CNTNAP5: variants seen among roughly 807,000 people sequenced by gnomAD.
CNTNAP5 encodes the protein contactin-associated protein-like 5.
Under a neutral mutation model 150.2 loss-of-function variants are expected in CNTNAP5, and 72 were observed. The observed-to-expected ratio is 0.48, with a 90% CI of 0.40 to 0.58. The LOEUF is 0.58. CNTNAP5 is among the 20% of genes least tolerant of loss of function. The pLI, the probability that CNTNAP5 is intolerant of heterozygous loss-of-function variation, is 0.00. For missense variants in CNTNAP5, 1,636 were observed against 1,626.2 expected (o/e 1.01, Z -0.10); for synonymous variants, 672 against 619.8 (o/e 1.08, Z -1.25).
chr2:124,691,973 G>A (rs1029692766), intron 13 of CNTNAP5, among the ~76,000 whole-genome samples: 2 of 152,098 alleles, frequency 1.3e-5, no homozygotes, highest in African/African-American at 4.8e-5. Context: ...CTCTGTCTTG[G>A]CATTAGGAGA....
At chr2:124,828,494 C>A (rs1682645491) in intron 19 of CNTNAP5, among the ~76,000 whole-genome samples, 1 of 151,372 alleles carries the variant, frequency 6.6e-6, no homozygotes, top group African/African-American at 2.4e-5. Flanking sequence ...AAACAAAAAA[C>A]AAAAATAAAA....
chr2:124,399,037 T>C (rs1437733736), intron 3 of CNTNAP5, among the ~76,000 whole-genome samples: 1 of 152,192 alleles, frequency 6.6e-6, no homozygotes, highest in Non-Finnish European at 1.5e-5. Flanking sequence ...CAAGAGAAAT[T>C]AATTCCTTTA....
intron 11 of CNTNAP5, among the ~76,000 whole-genome samples, chr2:124,601,543 A>G (rs1321740379): frequency 2.0e-5 from 3 of 152,366 alleles, no homozygotes; most frequent in African/African-American, 7.2e-5. Context: ...GCAATTAACC[A>G]AACAAGCACA....
At chr2:124,458,367 A>G (rs1402370313) in intron 6 of CNTNAP5, among the ~76,000 whole-genome samples, 2 of 149,418 alleles carry the variant, frequency 1.3e-5, no homozygotes, top group African/African-American at 4.9e-5. Flanking sequence ...TGTCATTCAC[A>G]GTGACCTGGA....
At chr2:124,061,496 C>G (rs531149886) in intron 1 of CNTNAP5, among the ~76,000 whole-genome samples, 2 of 152,020 alleles carry the variant, frequency 1.3e-5, no homozygotes, top group African/African-American at 4.8e-5. Flanking sequence ...GTCTCTGTAC[C>G]GACAGGTCAT....
chr2:124,301,984 C>G (rs1027565026), intron 3 of CNTNAP5, among the ~76,000 whole-genome samples: 4 of 152,176 alleles, frequency 2.6e-5, no homozygotes, highest in Non-Finnish European at 2.9e-5. Context: ...AAGTGAAGCT[C>G]TAATCCAATA....
intron 11 of CNTNAP5, among the ~76,000 whole-genome samples, chr2:124,601,806 A>G (rs1236179115): frequency 6.6e-6 from 1 of 152,238 alleles, no homozygotes; most frequent in African/African-American, 2.4e-5. Context: ...TGTCCATGTT[A>G]TGAAATACTA....
intron 1 of CNTNAP5, among the ~76,000 whole-genome samples, chr2:124,115,750 G>C (rs894756377): frequency 8.3e-5 from 12 of 144,742 alleles, no homozygotes; most frequent in African/African-American, 3.1e-4. Flanking sequence ...TCAGCCTCCT[G>C]AGTAGCTGGG....
chr2:124,247,699 A>G (rs1334750995), intron 3 of CNTNAP5, among the ~76,000 whole-genome samples: 1 of 152,182 alleles, frequency 6.6e-6, no homozygotes, highest in Non-Finnish European at 1.5e-5. Flanking sequence ...AAAATAATAA[A>G]TTAGATATAA....
intron 3 of CNTNAP5, among the ~76,000 whole-genome samples, chr2:124,403,362 A>T (rs116627784): frequency 0.031 from 4,702 of 152,248 alleles, 99 homozygotes; most frequent in Non-Finnish European, 0.041. Context: ...TGTCATCTGC[A>T]TATGTATTAG....
intron 13 of CNTNAP5, among the ~76,000 whole-genome samples, chr2:124,663,525 T>A (rs888763544): frequency 3.3e-5 from 5 of 152,096 alleles, no homozygotes; most frequent in Non-Finnish European, 7.4e-5. Context: ...TGCATTAGAA[T>A]TTAGAAAGGA....
chr2:124,047,930 C>T (rs960378523), intron 1 of CNTNAP5, among the ~76,000 whole-genome samples: 1 of 152,158 alleles, frequency 6.6e-6, no homozygotes, highest in Non-Finnish European at 1.5e-5. Flanking sequence ...TACTGCTCCT[C>T]TAGCACAAGC....
chr2:124,378,064 A>G (rs898568874), intron 3 of CNTNAP5, among the ~76,000 whole-genome samples: 6 of 152,074 alleles, frequency 3.9e-5, no homozygotes, highest in Non-Finnish European at 7.4e-5. Context: ...ATTGCACTCC[A>G]CATACTCACA....
At position 124,736,950 on chromosome 2, in the gene CNTNAP5, A is replaced by T. The variant is rs186096583; in HGVS notation, c.2078-10279A>T. ...TTCCAATGGGGAATACATTATACAA[A>T]CAAAGAAAAATAAACAAAAATAATG... is the stretch of plus-strand genomic sequence containing the variant. On this transcript the variant is annotated intron_variant, in intron 13 of 23. Coordinates refer to ENST00000682447, the MANE Select transcript of CNTNAP5 (RefSeq NM_001367498.1). 1.2e-3 allele frequency among the ~76,000 whole-genome samples: 179 copies of T among 152,254 alleles called. 2 individuals are homozygous for T. The highest frequency in any genetic ancestry group is 4.1e-3 in the African/African-American group (172 of 41,546).
rs560733739 is a variant in CNTNAP5, at chr2:124,834,231, C to T, written c.3218-31075C>T. On this transcript the variant is annotated intron_variant, in intron 19 of 23. Coordinates refer to ENST00000682447, the MANE Select transcript of CNTNAP5 (RefSeq NM_001367498.1). ...ATTTGTTTTCTTGACCACTAATTCA[C>T]AAACTTCAAATTTGAGTGGTTCATT... Among the ~76,000 whole-genome samples, 7 of 152,256 alleles carry T rather than the reference C, an allele frequency of 4.6e-5. No homozygotes were observed. In the East Asian group the frequency reaches 1.4e-3, roughly 29 times the overall value.
At chr2:124,617,050 A>T (rs1677507943) in intron 12 of CNTNAP5, among the ~76,000 whole-genome samples, 2 of 152,090 alleles carry the variant, frequency 1.3e-5, no homozygotes, top group African/African-American at 4.8e-5. Flanking sequence ...TTCAGGCTCT[A>T]AGGATATAAC....
intron 6 of CNTNAP5, among the ~76,000 whole-genome samples, chr2:124,447,790 A>G (rs928316232): frequency 7.2e-5 from 11 of 152,194 alleles, no homozygotes; most frequent in African/African-American, 2.7e-4. Context: ...TTGAAAGAAT[A>G]GGGTTAGAAG....
intron 13 of CNTNAP5, among the ~76,000 whole-genome samples, chr2:124,734,480 G>A (rs1159835768): frequency 6.6e-6 from 1 of 151,934 alleles, no homozygotes; most frequent in Non-Finnish European, 1.5e-5. Flanking sequence ...AAGCAAAAGG[G>A]AATGGGAATG....
rs557141658 is a variant in CNTNAP5, at chr2:124,183,579, G to A, written c.83-38126G>A. On this transcript the variant is annotated intron_variant, in intron 1 of 23. Transcript: ENST00000682447. ...AGACCTGGCATTAATCAATCCAATC[G>A]AACAGTAAACTACAGTCTGTCCTTT... Among the ~76,000 whole-genome samples, 34 of 152,238 alleles carry A rather than the reference G, an allele frequency of 2.2e-4. 1 individual carries two copies. In the South Asian group the frequency reaches 6.6e-3, roughly 30 times the overall value.
Sources: allele counts gnomAD v4.1 joint callset (sites outside exome capture counted in the v4.1 genomes callset), GRCh38; gene constraint gnomAD v4.1.1; transcripts MANE v1.5; gene names NCBI Gene and HGNC (gene_info 2026-07-23, HGNC 2026-07-21).